Variants in MCC observed in about 807,000 individuals in gnomAD.
MCC encodes colorectal mutant cancer protein.
MCC carries 90 observed loss-of-function variants against 116.2 expected under a neutral mutation model. The ratio of observed to expected loss-of-function variants is 0.77; its 90% confidence interval spans 0.65 to 0.92. The LOEUF is 0.92. Ranked by LOEUF, MCC falls within the 40% of genes least tolerant of loss-of-function variation. The probability of loss-of-function intolerance (pLI) is 0.00; values close to 1 mark genes in which losing one functional copy is unlikely to be tolerated. For synonymous variants in MCC, 578 were observed against 510.5 expected, an observed-to-expected ratio of 1.13 and a Z score of -1.78; for missense variants, 1,516 against 1,312.2, an observed-to-expected ratio of 1.16 and a Z score of -2.40.
chr5:113,137,326 A>G (rs1016806836), intron 5 of MCC, among the ~76,000 whole-genome samples: 3 of 152,194 alleles, frequency 2.0e-5, no homozygotes, highest in Non-Finnish European at 4.4e-5. Flanking sequence ...GGGTATTACA[A>G]TTCAAGATGA....
At chr5:113,482,306 T>A (rs1019579848) in intron 1 of MCC, among the ~76,000 whole-genome samples, 3 of 152,222 alleles carry the variant, frequency 2.0e-5, no homozygotes, top group African/African-American at 7.2e-5. Flanking sequence ...ATACGCCAAT[T>A]CTATGTTTAT....
At chr5:113,373,283 A>G (rs966947441) in intron 2 of MCC, among the ~76,000 whole-genome samples, 6 of 152,216 alleles carry the variant, frequency 3.9e-5, no homozygotes, top group African/African-American at 1.4e-4. Context: ...CCACAACACA[A>G]TTCTGCATGT....
intron 3 of MCC, among the ~76,000 whole-genome samples, chr5:113,187,052 T>C (rs1761929346): frequency 6.6e-6 from 1 of 152,210 alleles, no homozygotes; most frequent in Admixed American, 6.5e-5. Flanking sequence ...GCCTATAAGA[T>C]ACAGGATACT....
Position 113,384,970 on chromosome 5 carries a change from A to C in MCC, c.413T>G (p.Leu138Trp), listed in dbSNP as rs766514622. ...AACTGCCACCTGGTTATACCTACCC[A>C]AACTGTTGTCACTGCTCGTGGGCCA... ...ASWPTSSDNS[L>W]GALSAARESW... The change falls in exon 2 of 19, where the codon TTG (leucine) becomes TGG (tryptophan). Residue 138 changes from leucine to tryptophan, a missense_variant and splice_region_variant. Leu to Trp is a moderately conservative substitution (Grantham distance 61). Coordinates refer to ENST00000408903, the MANE Select transcript of MCC (RefSeq NM_001085377.2). 6.2e-7 allele frequency: 1 copy of C among 1,614,188 alleles called. No individual in the cohort carries two copies. The highest frequency in any genetic ancestry group is 8.5e-7 in the Non-Finnish European group (1 of 1,180,028).
At chr5:113,467,779 T>C (rs1322426637) in intron 1 of MCC, among the ~76,000 whole-genome samples, 5 of 152,208 alleles carry the variant, frequency 3.3e-5, no homozygotes. Flanking sequence ...TTGGGCAGTA[T>C]GGCCATTTTC....
intron 2 of MCC, 29 bp from the exon 3 acceptor site, chr5:113,340,759 A>G (rs767036936): frequency 9.4e-6 from 15 of 1,596,700 alleles, no homozygotes; most frequent in African/African-American, 2.7e-5. Context: ...GAGAAAATGA[A>G]AAGACATTTC....
chr5:113,125,898 C>A (rs552534264), intron 5 of MCC, among the ~76,000 whole-genome samples: 28 of 152,230 alleles, frequency 1.8e-4, no homozygotes, highest in Non-Finnish European at 3.8e-4. Flanking sequence ...CCCAAAAAAA[C>A]ACCAACTGCT....
At position 113,271,112 on chromosome 5, in the gene MCC, T is replaced by C. The variant is rs576618135; in HGVS notation, c.627+69407A>G. Among the ~76,000 whole-genome samples, 7 of 152,272 alleles carry C rather than the reference T, an allele frequency of 4.6e-5. No homozygotes were observed. In the East Asian group the frequency reaches 9.7e-4, roughly 21 times the overall value. On this transcript the variant is annotated intron_variant, in intron 3 of 18. Transcript: ENST00000408903. ...AGCAAGTATGTTCATGTTAAGACAA[T>C]AGCAGGAAATATACTTATCTAAGAG...
Position 113,049,128 on chromosome 5 carries a change from A to G in MCC, c.2620T>C (p.Ser874Pro), listed in dbSNP as rs1752317009. The G allele has an allele frequency of 1.2e-6, 2 of 1,614,146 alleles. No homozygotes were observed. The highest frequency in any genetic ancestry group is 2.7e-5 in the African/African-American group (2 of 75,042). Residue 874 changes from serine (S) to proline (P), a missense_variant, in exon 16 of 19, where the codon TCC becomes CCC. Coordinates refer to ENST00000408903, the MANE Select transcript of MCC (RefSeq NM_001085377.2). ...QKEQRMRSLS[S>P]TSSGSKDKPG... ...TTGTCTTTGCTGCCGCTGCTGGTGG[A>G]GCTGAGGGATCGCATCCGCTGCTCC...
At position 113,434,732 on chromosome 5, in the gene MCC, G is replaced by T. The variant is rs1235809105; in HGVS notation, c.171-49520C>A. Reference sequence around the variant, plus strand: ...GGTCGATGATCTTGATCGCCACATTGAACTTCAGGCGCTCAGAGTAAGCAG... The same window carrying T: ...GGTCGATGATCTTGATCGCCACATTTAACTTCAGGCGCTCAGAGTAAGCAG... On this transcript the variant is annotated intron_variant, in intron 1 of 18. Transcript: ENST00000408903. The surrounding 1 kb of genome is among the most constrained non-coding windows in gnomAD (Gnocchi z 4.2). 1 of 1,613,990 alleles carries T rather than the reference G, an allele frequency of 6.2e-7. No homozygotes were observed. Among genetic ancestry groups the T allele is most frequent in the South Asian group, 1.1e-5 (1 of 91,080 alleles).
intron 3 of MCC, among the ~76,000 whole-genome samples, chr5:113,182,816 A>G (rs180872446): frequency 1.4e-4 from 21 of 152,300 alleles, no homozygotes; most frequent in Admixed American, 1.1e-3. Context: ...GCATCCAATG[A>G]GGAACTGACA....
At chr5:113,463,667 C>T (rs1162345787) in intron 1 of MCC, among the ~76,000 whole-genome samples, 1 of 152,090 alleles carries the variant, frequency 6.6e-6, no homozygotes, top group Non-Finnish European at 1.5e-5. Flanking sequence ...CTTACAAATA[C>T]CTGGCAGGAG....
intron 11 of MCC, among the ~76,000 whole-genome samples, chr5:113,075,234 C>T (rs1429377092): frequency 6.6e-6 from 1 of 152,238 alleles, no homozygotes; most frequent in Non-Finnish European, 1.5e-5. Flanking sequence ...CCCGCTCGCG[C>T]CACGCTCGAA....
chr5:113,097,007 CA>C (rs1471876989), intron 8 of MCC, among the ~76,000 whole-genome samples: 6 of 152,118 alleles, frequency 3.9e-5, no homozygotes, highest in South Asian at 2.1e-4. Context: ...CTTGGTTTTA[CA>C]GAACTTTTAT....
chr5:113,426,393 C>A (rs375498947), intron 1 of MCC, among the ~76,000 whole-genome samples: 1 of 152,204 alleles, frequency 6.6e-6, no homozygotes, highest in Non-Finnish European at 1.5e-5. Flanking sequence ...GTGCCATAAA[C>A]AGCCCCTCAA....
intron 3 of MCC, among the ~76,000 whole-genome samples, chr5:113,257,669 A>T (rs1765070609): frequency 6.6e-6 from 1 of 152,198 alleles, no homozygotes; most frequent in Non-Finnish European, 1.5e-5. Flanking sequence ...GGAAGAAAGC[A>T]GTAGCTAGGG....
At chr5:113,080,668 G>A (rs778946107) in intron 11 of MCC, among the ~76,000 whole-genome samples, 12 of 152,036 alleles carry the variant, frequency 7.9e-5, no homozygotes, top group Non-Finnish European at 1.3e-4. Flanking sequence ...TGGAGGGAGC[G>A]GGGAGGGATA....
At chr5:113,158,649 A>G (rs1256949418) in intron 3 of MCC, among the ~76,000 whole-genome samples, 1 of 152,244 alleles carries the variant, frequency 6.6e-6, no homozygotes, top group Non-Finnish European at 1.5e-5. Context: ...GCTGTGAGAT[A>G]TATGTTATTA....
intron 3 of MCC, chr5:113,269,178 T>C (rs1200105927): frequency 1.3e-4 from 125 of 985,266 alleles, no homozygotes; most frequent in Non-Finnish European, 1.5e-4. Flanking sequence ...ACCAAACCCA[T>C]GGAACACCAG....
Sources: gnomAD v4.1 joint callset for allele counts (sites outside exome capture counted in the v4.1 genomes callset) on GRCh38, gnomAD v4.1.1 for gene constraint, Gnocchi (gnomAD v3.1) non-coding constraint, MANE v1.5 for transcripts, NCBI Gene and HGNC (gene_info 2026-07-23, HGNC 2026-07-21) for gene names.